Variants in FIZ1 observed in about 807,000 individuals in gnomAD.
FIZ1 encodes the protein flt3-interacting zinc finger protein 1.
In FIZ1, 2 loss-of-function variants were observed where a neutral mutation model predicts 5.3. The observed-to-expected ratio is 0.37, with a 90% confidence interval of 0.15 to 1.18. The LOEUF is 1.18. Among genes scored for constraint, FIZ1 ranks in the 50% most tolerant of loss-of-function variants. The probability of loss-of-function intolerance (pLI) is 0.37; values close to 1 mark genes in which losing one functional copy is unlikely to be tolerated. For missense variants in FIZ1, 631 were observed against 749.7 expected, an observed-to-expected ratio of 0.84 and a Z score of 1.85; for synonymous variants, 407 against 364.2, an observed-to-expected ratio of 1.12 and a Z score of -1.34.
rs186595058 is a variant in FIZ1 at position 55,594,270 on chromosome 19, G to A, written c.295-624C>T. On this transcript the variant is annotated intron_variant, in intron 2 of 2. Coordinates refer to ENST00000221665, the MANE Select transcript of FIZ1 (RefSeq NM_032836.3). ...CGGGCCTGGTGGCGGGTAGTCCCAG[G>A]GACCTGTAGTCCCAGCCACTCAGGA... Among the ~76,000 whole-genome samples the A allele has an allele frequency of 2.8e-3, 429 of 151,780 alleles. 2 individuals carry two copies. The highest frequency in any genetic ancestry group is 0.01 in the African/African-American group (418 of 41,384).
rs777247950 is a variant in FIZ1 at position 55,593,136 on chromosome 19, C to T, written c.805G>A (p.Ala269Thr). 8.0e-5 allele frequency: 96 copies of T among 1,204,214 alleles called. 1 individual carries two copies. In the East Asian group the frequency reaches 1.4e-3, roughly 17 times the overall value. 74.6% of individuals were successfully genotyped at this position (1,204,214 alleles called of 1,614,324 possible). Residue 269 changes from alanine (A) to threonine (T), a missense_variant, in exon 3 of 3, where the codon GCA (alanine) becomes ACA (threonine). By Grantham distance (58) the Ala-to-Thr change is moderately conservative. Coordinates refer to ENST00000221665, the MANE Select transcript of FIZ1 (RefSeq NM_032836.3). This position sits in a 1 kb window ranked among gnomAD's most constrained non-coding sequence, Gnocchi z 6.3. The part of the protein sequence containing the change: ...PAQAWAAGPG[A>T]GPETAGEGTA... ...CCTTCGCCCGCCGTCTCGGGCCCTG[C>T]GCCTGGCCCCGCGGCCCAGGCCTGC... is the stretch of plus-strand genomic sequence containing the variant.
rs1980008078 is a variant in FIZ1 at position 55,591,674 on chromosome 19, C to CT, written c.*775dup. 6.6e-6 allele frequency: 1 copy of CT among 152,636 alleles called. No individual in the cohort carries two copies. 9.5% of individuals were successfully genotyped at this position (152,636 alleles called of 1,614,324 possible). ...GAGAGGAGTGTCCGCCCTATTCACT[C>CT]TAAGGAAGGTGGCAGGCCACAGCCT... On this transcript the variant is annotated 3_prime_UTR_variant, in exon 3 of 3. Coordinates refer to ENST00000221665, the MANE Select transcript of FIZ1 (RefSeq NM_032836.3).
At chr19:55,594,841 T>A (rs1980248122) in intron 2 of FIZ1, among the ~76,000 whole-genome samples, 2 of 152,176 alleles carry the variant, frequency 1.3e-5, no homozygotes, top group Non-Finnish European at 2.9e-5. Context: ...CCAGTTATCA[T>A]GAGCTGAATA....
Position 55,592,286 on chromosome 19 carries a change from G to T in FIZ1, c.*164C>A. ...GTCCCCCAGCTCCGGGGCCTTTGTG[G>T]GTTTTTGGTGGCCCCCACCTCTCCA... On this transcript the variant is annotated 3_prime_UTR_variant, in exon 3 of 3. Coordinates refer to ENST00000221665, the MANE Select transcript of FIZ1 (RefSeq NM_032836.3). This position sits in a 1 kb window ranked among gnomAD's most constrained non-coding sequence, Gnocchi z 6.9. The T allele has an allele frequency of 1.3e-6, 1 of 747,368 alleles. No individual in the cohort carries two copies. Among genetic ancestry groups the T allele is most frequent in the Non-Finnish European group, 2.1e-6 (1 of 483,526 alleles). The allele number at this position is 747,368 out of a possible 1,614,324, so 46.3% of individuals were successfully genotyped here. A position where few individuals can be genotyped will look rare whatever the true frequency, so the allele number is the denominator to read the frequency against.
At position 55,592,305 on chromosome 19, in the gene FIZ1, C is replaced by T. The variant is rs1980042348; in HGVS notation, c.*145G>A. On this transcript the variant is annotated 3_prime_UTR_variant, in exon 3 of 3. Transcript: ENST00000221665. The surrounding 1 kb of genome is among the most constrained non-coding windows in gnomAD (Gnocchi z 6.9). ...TTTGTGGGTTTTTGGTGGCCCCCAC[C>T]TCTCCAGTCAGGGTCCCCTCATTTC... 2 of 876,622 alleles carry T rather than the reference C, an allele frequency of 2.3e-6. No homozygotes were observed. The highest frequency in any genetic ancestry group is 5.7e-5 in the East Asian group (2 of 35,348). The allele number at this position is 876,622 out of a possible 1,614,324, so 54.3% of individuals were successfully genotyped here.
At position 55,597,506 on chromosome 19, in the gene FIZ1, G is replaced by C; in HGVS notation, c.294+66C>G. The C allele has an allele frequency of 4.6e-6, 7 of 1,537,056 alleles. No individual in the cohort carries two copies. The South Asian group carries it at 8.6e-5, about 19-fold the overall frequency. ...AGCTTCCTTTTGCCCAGAGTACAGT[G>C]GGGCGCGGGATCCCACCGTAGTCCT... On this transcript the variant is annotated intron_variant, in intron 2 of 2. Transcript: ENST00000221665.
rs747534082 is a variant in FIZ1 at position 55,593,282 on chromosome 19, G to A, written c.659C>T (p.Ala220Val). ...GAAGGGCTTCACGTCGGTGTGCGCC[G>A]CCCAGTGGGCCGCCAGCTCGCGGCC... The part of the protein sequence containing the change: ...DHGRELAAHW[A>V]AHTDVKPFKC... The change falls in exon 3 of 3, where the codon GCG becomes GTG. Residue 220 changes from alanine (A) to valine (V), a missense_variant. Transcript: ENST00000221665. This position sits in a 1 kb window ranked among gnomAD's most constrained non-coding sequence, Gnocchi z 6.3. 4.8e-6 allele frequency: 6 copies of A among 1,263,070 alleles called. No individual in the cohort carries two copies. Among genetic ancestry groups the A allele is most frequent in the Admixed American group, 7.6e-5 (2 of 26,272 alleles). 78.2% of individuals were successfully genotyped at this position (1,263,070 alleles called of 1,614,324 possible). A position where few individuals can be genotyped will look rare whatever the true frequency, so the allele number is the denominator to read the frequency against.
In FIZ1 at chr19:55,595,443, C is replaced by T. The variant is rs139509196; in HGVS notation, c.295-1797G>A. The stretch of plus-strand genomic sequence containing the variant: ...GCCCGTAGGTCTATTTATCTGTCAG[C>T]TCCTTGGAAACCCTTCCCGGAATCT... On this transcript the variant is annotated intron_variant, in intron 2 of 2. Coordinates refer to ENST00000221665, the MANE Select transcript of FIZ1 (RefSeq NM_032836.3). Among the ~76,000 whole-genome samples, 46 of 152,270 alleles carry T rather than the reference C, an allele frequency of 3.0e-4. 1 individual carries two copies. In the East Asian group the frequency reaches 7.7e-3, roughly 26 times the overall value.
At chr19:55,594,968 C>T (rs2123556174) in intron 2 of FIZ1, among the ~76,000 whole-genome samples, 1 of 152,306 alleles carries the variant, frequency 6.6e-6, no homozygotes. Context: ...ACTTCCAAGT[C>T]TAGGGAATCG....
At chr19:55,596,610 C>T (rs943610773) in intron 2 of FIZ1, among the ~76,000 whole-genome samples, 1 of 68 alleles carries the variant, frequency 0.015, no homozygotes, top group Non-Finnish European at 0.036. Flanking sequence ...CTAACCTTCC[C>T]CACCTGTCTG....
Position 55,592,337 on chromosome 19 carries a change from T to A in FIZ1, c.*113A>T. 9.0e-7 allele frequency: 1 copy of A among 1,116,156 alleles called. No homozygotes were observed. The highest frequency in any genetic ancestry group is 1.2e-6 in the Non-Finnish European group (1 of 810,112). The allele number at this position is 1,116,156 out of a possible 1,614,324, so 69.1% of individuals were successfully genotyped here. On this transcript the variant is annotated 3_prime_UTR_variant, in exon 3 of 3. Coordinates refer to ENST00000221665, the MANE Select transcript of FIZ1 (RefSeq NM_032836.3). This position sits in a 1 kb window ranked among gnomAD's most constrained non-coding sequence, Gnocchi z 6.9. ...GTCAGGGTCCCCTCATTTCAGGGCC[T>A]GCGTCTGGATTTGGATTTGGAGGGC...
At position 55,592,769 on chromosome 19, in the gene FIZ1, GTCGCCGCCTCCTCC is replaced by G; in HGVS notation, c.1158_1171del (p.Glu387ArgfsTer133). 6.3e-7 allele frequency: 1 copy of G among 1,596,820 alleles called. No individual in the cohort carries two copies. Among genetic ancestry groups the G allele is most frequent in the East Asian group, 2.2e-5 (1 of 44,666 alleles). On this transcript the variant is annotated frameshift_variant, in exon 3 of 3. Coordinates refer to ENST00000221665, the MANE Select transcript of FIZ1 (RefSeq NM_032836.3). LOFTEE classifies it low-confidence loss of function (END_TRUNC). This position sits in a 1 kb window ranked among gnomAD's most constrained non-coding sequence, Gnocchi z 6.9. ...CGCCGGTTCCCTTTCCCGGGCGGCG[GTCGCCGCCTCCTCC>G]CCGCCGCCCTCACCGTGGCTGACCC...
chr19:55,592,072 G>C lies in FIZ1; in HGVS notation c.*378C>G, dbSNP rs913737690. On this transcript the variant is annotated 3_prime_UTR_variant, in exon 3 of 3. Transcript: ENST00000221665. This position sits in a 1 kb window ranked among gnomAD's most constrained non-coding sequence, Gnocchi z 6.9. Reference sequence around the variant, plus strand: ...ATGGGGCAGTCTTCCCTTGGTGGGGGTGGGTGCCCATCTTTTAGTATTAGG... The same window carrying C: ...ATGGGGCAGTCTTCCCTTGGTGGGGCTGGGTGCCCATCTTTTAGTATTAGG... 1 of 211,474 alleles carries C rather than the reference G, an allele frequency of 4.7e-6. No individual in the cohort carries two copies. 13.1% of individuals were successfully genotyped at this position (211,474 alleles called of 1,614,324 possible).
Position 55,593,187 on chromosome 19 carries a change from G to C in FIZ1, c.754C>G (p.Leu252Val). 8.4e-7 allele frequency: 1 copy of C among 1,187,420 alleles called. No individual in the cohort carries two copies. Among genetic ancestry groups the C allele is most frequent in the Non-Finnish European group, 1.0e-6 (1 of 952,950 alleles). The allele number at this position is 1,187,420 out of a possible 1,614,324, so 73.6% of individuals were successfully genotyped here. ...GCTGGGGGCGCGCCCGGGCCCTGCA[G>C]GTCGTGCGTCAGCTTGTGCCGCTCC... ...LLERHKLTHD[L>V]QGPGAPPAQA... The change falls in exon 3 of 3, where the codon CTG (leucine) becomes GTG (valine). Residue 252 changes from leucine (L) to valine (V), a missense_variant. By Grantham distance (32) the Leu-to-Val change is conservative. This residue lies in a region of FIZ1 where 463 missense variants were observed against 455.1 expected (regional missense o/e 1.02). Transcript: ENST00000221665. The surrounding 1 kb of genome is among the most constrained non-coding windows in gnomAD (Gnocchi z 6.3).
intron 1 of FIZ1, chr19:55,598,660 T>C (rs898716462): frequency 3.9e-5 from 6 of 152,212 alleles, no homozygotes; most frequent in Admixed American, 6.5e-5. Context: ...TGCTAAGTTA[T>C]TTGACTTATC....
Position 55,597,658 on chromosome 19 carries a change from G to A in FIZ1, c.208C>T (p.Leu70=). 2 of 1,613,978 alleles carry A rather than the reference G, an allele frequency of 1.2e-6. No individual in the cohort carries two copies. The highest frequency in any genetic ancestry group is 8.5e-7 in the Non-Finnish European group (1 of 1,179,916). Residue 70 remains leucine, a synonymous_variant, in exon 2 of 3, where the codon CTG becomes TTG. Transcript: ENST00000221665. Reference sequence around the variant, plus strand: ...GGCCGCTCCCCGGTGTGCGAGCGCAGGTGGTTGGCTAGGTTGAAGCTGTGC... The same window carrying A: ...GGCCGCTCCCCGGTGTGCGAGCGCAAGTGGTTGGCTAGGTTGAAGCTGTGC... ...FKHSFNLANH[L]RSHTGERPYR... is the part of the protein sequence containing the mutation.
rs1441384310 is a variant in FIZ1, at chr19:55,593,361, C to T, written c.580G>A (p.Ala194Thr). 1.5e-6 allele frequency: 2 copies of T among 1,352,878 alleles called. No homozygotes were observed. Among genetic ancestry groups the T allele is most frequent in the Non-Finnish European group, 1.9e-6 (2 of 1,060,378 alleles). The allele number at this position is 1,352,878 out of a possible 1,614,324, so 83.8% of individuals were successfully genotyped here. ...CACGCAAATGGGGGCAAGGAGGCCG[C>T]GGCCGCAGCTGCCGCCTCTGCCAGC... ...WGLAEAAAAA[A>T]ASLPPFACGA... Residue 194 changes from alanine to threonine, a missense_variant, in exon 3 of 3, where the codon GCG (alanine) becomes ACG (threonine). By Grantham distance (58) the Ala-to-Thr change is moderately conservative (BLOSUM62 0). Around this residue, in one of 4 missense-constraint regions of FIZ1, gnomAD observed 463 missense variants for 455.1 expected, o/e 1.02. Coordinates refer to ENST00000221665, the MANE Select transcript of FIZ1 (RefSeq NM_032836.3). The surrounding 1 kb of genome is among the most constrained non-coding windows in gnomAD (Gnocchi z 6.3).
chr19:55,598,683 G>A (rs1262242054), intron 1 of FIZ1: 1 of 151,972 alleles, frequency 6.6e-6, no homozygotes, highest in Non-Finnish European at 1.5e-5. Flanking sequence ...AGCCCCTCTC[G>A]GGTCCACTAA....
Position 55,592,009 on chromosome 19 carries a change from T to C in FIZ1, c.*441A>G, listed in dbSNP as rs115512498. On this transcript the variant is annotated 3_prime_UTR_variant, in exon 3 of 3. Coordinates refer to ENST00000221665, the MANE Select transcript of FIZ1 (RefSeq NM_032836.3). This position sits in a 1 kb window ranked among gnomAD's most constrained non-coding sequence, Gnocchi z 6.9. ...TCAGGGACATGCTCCCTCCACATTCTCCAGATCAAGGTCGTTAGGAATGAT... is the reference window on the plus strand; with the variant it reads ...TCAGGGACATGCTCCCTCCACATTCCCCAGATCAAGGTCGTTAGGAATGAT... The C allele has an allele frequency of 3.3e-3, 551 of 169,306 alleles. 3 individuals are homozygous for C. The highest frequency in any genetic ancestry group is 0.013 in the African/African-American group (529 of 42,184). 10.5% of individuals were successfully genotyped at this position (169,306 alleles called of 1,614,324 possible).
Sources: gnomAD v4.1 joint callset for allele counts (sites outside exome capture counted in the v4.1 genomes callset) on GRCh38, gnomAD v4.1.1 for gene constraint, gnomAD v4.1.1 regional missense constraint, Gnocchi (gnomAD v3.1) non-coding constraint, MANE v1.5 for transcripts, NCBI Gene and HGNC (gene_info 2026-07-23, HGNC 2026-07-21) for gene names.